The following KIAA0586 variants were observed in gnomAD, a reference collection of about 807,000 sequenced individuals.
KIAA0586 encodes the protein KIAA0586.
In KIAA0586, 144 loss-of-function variants were observed where a neutral mutation model predicts 169.8. The observed-to-expected ratio is 0.85, with a 90% CI of 0.74 to 0.97. The LOEUF (loss-of-function observed/expected upper bound fraction) is 0.97. KIAA0586 is among the 50% of genes least tolerant of loss of function. The probability of loss-of-function intolerance (pLI) is 0.00; values close to 1 mark genes in which losing one functional copy is unlikely to be tolerated. For synonymous variants in KIAA0586, 625 were observed against 612.4 expected, an observed-to-expected ratio of 1.02 and a Z score of -0.30; for missense variants, 1,854 against 1,823.0, an observed-to-expected ratio of 1.02 and a Z score of -0.31.
At chr14:58,529,267 A>G (rs1479670119) in intron 29 of KIAA0586, among the ~76,000 whole-genome samples, 1 of 152,216 alleles carries the variant, frequency 6.6e-6, no homozygotes, top group African/African-American at 2.4e-5. Context: ...GGCGAATTCT[A>G]CCAGAGGTAC....
intron 18 of KIAA0586, among the ~76,000 whole-genome samples, chr14:58,472,516 T>C (rs1384463973): frequency 7.1e-6 from 1 of 140,748 alleles, no homozygotes; most frequent in Admixed American, 6.9e-5. Flanking sequence ...CTAGATTTTG[T>C]CTATCTGTTT....
intron 3 of KIAA0586, 59 bp from the exon 4 acceptor site, chr14:58,432,329 A>T (rs1446633585): frequency 1.2e-5 from 12 of 1,040,976 alleles, no homozygotes; most frequent in African/African-American, 3.3e-5. Context: ...TTAGTAGCTT[A>T]TTAAAGTTTA....
intron 15 of KIAA0586, among the ~76,000 whole-genome samples, chr14:58,467,336 G>T (rs2040847824): frequency 6.6e-6 from 1 of 152,172 alleles, no homozygotes; most frequent in Non-Finnish European, 1.5e-5. Context: ...ATGGTGCCAG[G>T]ATTCAAACCC....
At position 58,450,752 on chromosome 14, in the gene KIAA0586, A is replaced by G; in HGVS notation, c.1129+6A>G. On this transcript the variant is annotated splice_donor_region_variant and intron_variant, in intron 8 of 30. Transcript: ENST00000652326. ...GGAAGTGTCGTGTCACAGAGGTAAT[A>G]GAGACTTTTACTAGACCTATCCCAA... The G allele has an allele frequency of 6.3e-7, 1 of 1,575,076 alleles. No homozygotes were observed. Among genetic ancestry groups the G allele is most frequent in the Non-Finnish European group, 8.7e-7 (1 of 1,147,832 alleles).
In KIAA0586 at chr14:58,442,870, C is replaced by G. The variant is rs748340175; in HGVS notation, c.575C>G (p.Pro192Arg). 8 of 1,603,866 alleles carry G rather than the reference C, an allele frequency of 5.0e-6. No homozygotes were observed. In the African/African-American group the frequency reaches 6.7e-5, roughly 13 times the overall value. Reference sequence around the variant, plus strand: ...GCTGCTGCCATTGCAACCGCAGCTCCGTTGATAAAGGTATATTTTTCTTCC... The same window carrying G: ...GCTGCTGCCATTGCAACCGCAGCTCGGTTGATAAAGGTATATTTTTCTTCC... Reference protein sequence around the residue: ...ATAAAIATAAPLIKVQSDLEA... With the variant: ...ATAAAIATAARLIKVQSDLEA... The change falls in exon 5 of 31, where the codon CCG becomes CGG. Residue 192 changes from proline (P) to arginine (R), a missense_variant. Physicochemically the swap from Pro to Arg is moderately radical, Grantham distance 103. Coordinates refer to ENST00000652326, the MANE Select transcript of KIAA0586 (RefSeq NM_001329943.3).
chr14:58,435,635 A>C (rs926531958), intron 4 of KIAA0586, among the ~76,000 whole-genome samples: 1 of 152,140 alleles, frequency 6.6e-6, no homozygotes, highest in Non-Finnish European at 1.5e-5. Context: ...CCCCCCTTCC[A>C]TACCCATTTT....
At chr14:58,527,521 A>G (rs1033746150) in intron 29 of KIAA0586, among the ~76,000 whole-genome samples, 6 of 152,212 alleles carry the variant, frequency 3.9e-5, no homozygotes, top group Non-Finnish European at 7.3e-5. Context: ...CGGAAACCCT[A>G]CAAGCCAGAA....
intron 4 of KIAA0586, among the ~76,000 whole-genome samples, chr14:58,435,266 A>C (rs1353152954): frequency 6.6e-6 from 1 of 152,376 alleles, no homozygotes; most frequent in East Asian, 1.9e-4. Context: ...CATTTGATCA[A>C]ATAAGAAAAT....
At chr14:58,497,388 A>G (rs891039474) in intron 26 of KIAA0586, among the ~76,000 whole-genome samples, 4 of 149,460 alleles carry the variant, frequency 2.7e-5, no homozygotes, top group Admixed American at 2.7e-4. Context: ...GAGACAGAGT[A>G]TCACTCTGTC....
intron 27 of KIAA0586, among the ~76,000 whole-genome samples, chr14:58,503,071 G>T (rs2043687937): frequency 6.6e-6 from 1 of 152,144 alleles, no homozygotes; most frequent in Non-Finnish European, 1.5e-5. Flanking sequence ...GCTTTGAGGA[G>T]TTGTCTTGGG....
At chr14:58,481,962 T>G (rs1388367298) in intron 20 of KIAA0586, among the ~76,000 whole-genome samples, 1 of 151,696 alleles carries the variant, frequency 6.6e-6, no homozygotes, top group Non-Finnish European at 1.5e-5. Context: ...TACAGGCGCC[T>G]GCCACCACAC....
intron 3 of KIAA0586, 61 bp downstream of exon 3, chr14:58,430,778 T>C (rs2140405736): frequency 1.1e-6 from 1 of 909,880 alleles, no homozygotes; most frequent in Non-Finnish European, 1.7e-6. Context: ...TAAAGTTTAC[T>C]ACTTTAAAAT....
At chr14:58,470,524 C>A (rs771225992) in intron 16 of KIAA0586, 89 bp from the exon 17 acceptor site, 1 of 679,258 alleles carries the variant, frequency 1.5e-6, no homozygotes, top group South Asian at 2.4e-5. Context: ...TGTGTATACA[C>A]ACACACATAT....
At position 58,450,662 on chromosome 14, in the gene KIAA0586, G is replaced by A. The variant is rs771000156; in HGVS notation, c.1045G>A (p.Val349Ile). The A allele has an allele frequency of 1.4e-5, 22 of 1,609,800 alleles. No individual in the cohort carries two copies. The East Asian group carries it at 4.0e-4, about 29-fold the overall frequency. ...ETPAPRRFAP[V>I]PVSRDDELSK... is the part of the protein sequence containing the mutation. ...ACCAGCACCTCGCAGATTTGCTCCT[G>A]TACCTGTTTCAAGGGATGATGAACT... Residue 349 changes from valine (V) to isoleucine (I), a missense_variant, in exon 8 of 31, where the codon GTA becomes ATA. By Grantham distance (29) the Val-to-Ile change is conservative. Coordinates refer to ENST00000652326, the MANE Select transcript of KIAA0586 (RefSeq NM_001329943.3).
At chr14:58,496,457 A>G (rs1017983075) in intron 26 of KIAA0586, among the ~76,000 whole-genome samples, 2 of 152,198 alleles carry the variant, frequency 1.3e-5, no homozygotes, top group Admixed American at 6.5e-5. Flanking sequence ...TTTCTCATTA[A>G]TTTCTGGGGA....
At position 58,487,913 on chromosome 14, in the gene KIAA0586, G is replaced by A. The variant is rs1437039178; in HGVS notation, c.3331G>A (p.Val1111Ile). 4 of 1,612,776 alleles carry A rather than the reference G, an allele frequency of 2.5e-6. No homozygotes were observed. The highest frequency in any genetic ancestry group is 4.5e-5 in the East Asian group (2 of 44,812). The change falls in exon 23 of 31, where the codon GTT (valine) becomes ATT (isoleucine). Residue 1111 changes from valine to isoleucine, a missense_variant. Val to Ile is a conservative substitution (Grantham distance 29, BLOSUM62 3). Coordinates refer to ENST00000652326, the MANE Select transcript of KIAA0586 (RefSeq NM_001329943.3). Reference protein sequence around the residue: ...KGDDMPAIMLVNTPTVTPTTT... With the variant: ...KGDDMPAIMLINTPTVTPTTT... ...AGATGATATGCCTGCCATCATGCTT[G>A]TTAATACTCCAACAGTTACCCCTAC...
At chr14:58,429,883 A>T (rs994638239) in intron 2 of KIAA0586, among the ~76,000 whole-genome samples, 3 of 152,194 alleles carry the variant, frequency 2.0e-5, no homozygotes, top group African/African-American at 7.2e-5. Context: ...TATCATCTTA[A>T]CTTTATAATG....
intron 15 of KIAA0586, among the ~76,000 whole-genome samples, chr14:58,466,372 C>T (rs527576709): frequency 1.7e-4 from 26 of 152,156 alleles, no homozygotes; most frequent in African/African-American, 6.3e-4. Context: ...ATGATGGGTT[C>T]CTGCTGTAGT....
At position 58,549,490 on chromosome 14, in the gene KIAA0586, A is replaced by C. The variant is rs529595331; in HGVS notation, c.*1558A>C. 2.6e-5 allele frequency: 4 copies of C among 152,166 alleles called. No homozygotes were observed. The highest frequency in any genetic ancestry group is 5.9e-5 in the Non-Finnish European group (4 of 68,014). The allele number at this position is 152,166 out of a possible 1,614,324, so 9.4% of individuals were successfully genotyped here. A position where few individuals can be genotyped will look rare whatever the true frequency, so the allele number is the denominator to read the frequency against. On this transcript the variant is annotated 3_prime_UTR_variant, in exon 31 of 31. Transcript: ENST00000652326. The stretch of plus-strand genomic sequence containing the variant: ...CTGAACATAGAAGCTGCAAGAGTCT[A>C]TGGAAACTCAGAAATGTGTCAGCCT...
Sources: gnomAD v4.1 joint callset for allele counts (sites outside exome capture counted in the v4.1 genomes callset) on GRCh38, gnomAD v4.1.1 for gene constraint, MANE v1.5 for transcripts, NCBI Gene and HGNC (gene_info 2026-07-23, HGNC 2026-07-21) for gene names.